PCDHGA12: variants seen among roughly 807,000 people sequenced by gnomAD.
The protein encoded by PCDHGA12 is protocadherin gamma-A12.
A neutral mutation model predicts 61.1 loss-of-function variants in PCDHGA12; 43 were observed. The ratio of observed to expected loss-of-function variants is 0.70; its 90% confidence interval spans 0.55 to 0.91. The LOEUF is 0.91. Ranked by LOEUF, PCDHGA12 falls within the 40% of genes least tolerant of loss-of-function variation. PCDHGA12 has a pLI of 0.00. For synonymous variants in PCDHGA12, 520 were observed against 542.9 expected, an observed-to-expected ratio of 0.96 and a Z score of 0.59; for missense variants, 1,236 against 1,227.7, an observed-to-expected ratio of 1.01 and a Z score of -0.10.
chr5:141,494,820 AC>A lies in PCDHGA12; in HGVS notation c.2439del (p.Asn813LysfsTer39). 6.2e-7 allele frequency: 1 copy of A among 1,613,988 alleles called. No homozygotes were observed. The highest frequency in any genetic ancestry group is 2.2e-5 in the East Asian group (1 of 44,874). On this transcript the variant is annotated frameshift_variant, in exon 2 of 4. Coordinates refer to ENST00000252085, the MANE Select transcript of PCDHGA12 (RefSeq NM_003735.3). LOFTEE classifies it high-confidence loss of function. ...TTTTCTCCACAGCAAGCCCCGCCCA[AC>A]ACGGACTGGCGTTTCTCTCAGGCCC... ...SHGLIEQAPP[N>X]TDWRFSQAQR...
At position 141,505,489 on chromosome 5, in the gene PCDHGA12, G is replaced by A. The variant is rs759637750; in HGVS notation, c.2572+8G>A. On this transcript the variant is annotated splice_region_variant and intron_variant, in intron 3 of 3. Coordinates refer to ENST00000252085, the MANE Select transcript of PCDHGA12 (RefSeq NM_003735.3). ...TCTTGGCGTCCGCCAGTGGTAAGTG[G>A]TGTCAGTGTGTGTATGGAAGAGTGG... The A allele has an allele frequency of 6.2e-7, 1 of 1,614,218 alleles. No homozygotes were observed. The highest frequency in any genetic ancestry group is 1.7e-5 in the Admixed American group (1 of 60,032).
chr5:141,460,498 T>G (rs1028506755), intron 1 of PCDHGA12, among the ~76,000 whole-genome samples: 1 of 152,184 alleles, frequency 6.6e-6, no homozygotes. Context: ...TGGAAAAATA[T>G]GCTGAGAAGG....
intron 1 of PCDHGA12, among the ~76,000 whole-genome samples, chr5:141,455,439 C>T (rs966470257): frequency 1.3e-5 from 2 of 152,126 alleles, no homozygotes; most frequent in East Asian, 1.9e-4. Context: ...AGGAGGTCCC[C>T]ATCTACCGCG....
In PCDHGA12 at chr5:141,489,406, A is replaced by T; in HGVS notation, c.2425-5401A>T. 6.2e-7 allele frequency: 1 copy of T among 1,614,166 alleles called. No individual in the cohort carries two copies. Among genetic ancestry groups the T allele is most frequent in the Non-Finnish European group, 8.5e-7 (1 of 1,180,028 alleles). Reference sequence around the variant, plus strand: ...TGTTGCTCAGGATCTGGGCTTAAAGATGACAGATCTGTTGAGCCGGCGGCT... The same window carrying T: ...TGTTGCTCAGGATCTGGGCTTAAAGTTGACAGATCTGTTGAGCCGGCGGCT... On this transcript the variant is annotated intron_variant, in intron 1 of 3. Coordinates refer to ENST00000252085, the MANE Select transcript of PCDHGA12 (RefSeq NM_003735.3). This position sits in a 1 kb window ranked among gnomAD's most constrained non-coding sequence, Gnocchi z 4.5.
chr5:141,432,793 C>T lies in PCDHGA12; in HGVS notation c.2034C>T (p.Leu678=). 6.2e-7 allele frequency: 1 copy of T among 1,614,150 alleles called. No individual in the cohort carries two copies. Among genetic ancestry groups the T allele is most frequent in the Admixed American group, 1.7e-5 (1 of 60,032 alleles). ...AAGTCCTGGCGGACCTCGGCAGCCT[C>T]GAGTCTCCAGCTAACTCTGAAACCT... ...IPQVLADLGS[L]ESPANSETSD... is the part of the protein sequence containing the mutation. Residue 678 remains leucine, a synonymous_variant, in exon 1 of 4, where the codon CTC becomes CTT. Transcript: ENST00000252085. The surrounding 1 kb of genome is among the most constrained non-coding windows in gnomAD (Gnocchi z 6.0).
chr5:141,448,896 G>C (rs560617459), intron 1 of PCDHGA12, among the ~76,000 whole-genome samples: 5 of 152,302 alleles, frequency 3.3e-5, no homozygotes, highest in African/African-American at 1.2e-4. Context: ...AGTGAGCCGA[G>C]ATCGTGCCAC....
At chr5:141,473,010 AAAAG>A (rs1014377988) in intron 1 of PCDHGA12, among the ~76,000 whole-genome samples, 22 of 151,958 alleles carry the variant, frequency 1.4e-4, no homozygotes, top group Admixed American at 7.9e-4. Context: ...AAGAAAAAGA[AAAAG>A]AAAGAAGGAA....
chr5:141,487,920 C>G lies in PCDHGA12; in HGVS notation c.2425-6887C>G, dbSNP rs561819225. On this transcript the variant is annotated intron_variant, in intron 1 of 3. Coordinates refer to ENST00000252085, the MANE Select transcript of PCDHGA12 (RefSeq NM_003735.3). This position sits in a 1 kb window ranked among gnomAD's most constrained non-coding sequence, Gnocchi z 5.0. ...TGGAATGTGGGAGCACAGGAGGCTA[C>G]AGTGCACAGGGTACAGTGCACCAGG... The G allele has an allele frequency of 4.7e-6, 3 of 644,662 alleles. No individual in the cohort carries two copies. The Admixed American group carries it at 8.5e-5, about 18-fold the overall frequency. 39.9% of individuals were successfully genotyped at this position (644,662 alleles called of 1,614,324 possible).
In PCDHGA12 at chr5:141,489,576, C is replaced by T; in HGVS notation, c.2425-5231C>T. 1.9e-6 allele frequency: 3 copies of T among 1,614,054 alleles called. No individual in the cohort carries two copies. Among genetic ancestry groups the T allele is most frequent in the Non-Finnish European group, 2.5e-6 (3 of 1,179,976 alleles). Reference sequence around the variant, plus strand: ...TGCCAGTGCAGGTGGTGACTGAACACCCCCTGGAGCTAATCCGTGTAGAGG... The same window carrying T: ...TGCCAGTGCAGGTGGTGACTGAACATCCCCTGGAGCTAATCCGTGTAGAGG... On this transcript the variant is annotated intron_variant, in intron 1 of 3. Coordinates refer to ENST00000252085, the MANE Select transcript of PCDHGA12 (RefSeq NM_003735.3). This position sits in a 1 kb window ranked among gnomAD's most constrained non-coding sequence, Gnocchi z 4.5.
chr5:141,510,958 G>A lies in PCDHGA12; in HGVS notation c.2584G>A (p.Gly862Arg). 6.2e-7 allele frequency: 1 copy of A among 1,614,130 alleles called. No homozygotes were observed. Among genetic ancestry groups the A allele is most frequent in the Non-Finnish European group, 8.5e-7 (1 of 1,180,012 alleles). The change falls in exon 4 of 4, where the codon GGG becomes AGG. Residue 862 changes from glycine to arginine, a missense_variant. Transcript: ENST00000252085. The stretch of plus-strand genomic sequence containing the variant: ...CTCTGTCTCTGCAGAAGCTGCTGAT[G>A]GGAGCTCCACCCTGGGAGGGGGTGC... ...ILASASEAAD[G>R]SSTLGGGAGT...
Position 141,458,000 on chromosome 5 carries a change from A to G in PCDHGA12, c.2424+24817A>G, listed in dbSNP as rs1047291886. ...CACCCTTTCAGTTAAAGCCTTGGCA[A>G]AATAACCGGTTTTTCCAATTGTGTT... On this transcript the variant is annotated intron_variant, in intron 1 of 3. Coordinates refer to ENST00000252085, the MANE Select transcript of PCDHGA12 (RefSeq NM_003735.3). Among the ~76,000 whole-genome samples, 4 of 152,214 alleles carry G rather than the reference A, an allele frequency of 2.6e-5. No homozygotes were observed. In the East Asian group the frequency reaches 5.8e-4, roughly 22 times the overall value.
intron 2 of PCDHGA12, among the ~76,000 whole-genome samples, chr5:141,503,072 C>T (rs2099817948): frequency 6.6e-6 from 1 of 151,728 alleles, no homozygotes; most frequent in Non-Finnish European, 1.5e-5. Flanking sequence ...TCAGAATGGT[C>T]TCGATCTCCT....
chr5:141,477,678 C>A lies in PCDHGA12; in HGVS notation c.2425-17129C>A, dbSNP rs967769574. 1 of 1,614,182 alleles carries A rather than the reference C, an allele frequency of 6.2e-7. No individual in the cohort carries two copies. The highest frequency in any genetic ancestry group is 1.3e-5 in the African/African-American group (1 of 75,054). ...AATCGTGACAATGGCATAGTGTCAT[C>A]CTTAGTGCCCCTAGACTATGAGGAT... is the stretch of plus-strand genomic sequence containing the variant. On this transcript the variant is annotated intron_variant, in intron 1 of 3. Transcript: ENST00000252085. The surrounding 1 kb of genome is among the most constrained non-coding windows in gnomAD (Gnocchi z 4.9).
At chr5:141,467,693 G>C (rs543886467) in intron 1 of PCDHGA12, among the ~76,000 whole-genome samples, 49 of 152,108 alleles carry the variant, frequency 3.2e-4, no homozygotes, top group African/African-American at 1.1e-3. Flanking sequence ...ACAGGGTCTG[G>C]CTCTGTTGCC....
chr5:141,509,144 G>C (rs969990007), intron 3 of PCDHGA12, among the ~76,000 whole-genome samples: 14 of 152,114 alleles, frequency 9.2e-5, no homozygotes, highest in Admixed American at 2.0e-4. Context: ...GGCGCATCCC[G>C]GCTCTCCCCT....
intron 1 of PCDHGA12, among the ~76,000 whole-genome samples, chr5:141,435,099 TA>T (rs892317840): frequency 2.0e-5 from 3 of 152,260 alleles, no homozygotes; most frequent in African/African-American, 7.2e-5. Context: ...TCTGTTTATC[TA>T]GGGGGGAGAA....
chr5:141,501,425 G>A (rs1444899306), intron 2 of PCDHGA12, among the ~76,000 whole-genome samples: 1 of 151,726 alleles, frequency 6.6e-6, no homozygotes, highest in Non-Finnish European at 1.5e-5. Flanking sequence ...TTGACTAAAT[G>A]TAGTCCATTT....
At position 141,477,579 on chromosome 5, in the gene PCDHGA12, A is replaced by G. The variant is rs774773400; in HGVS notation, c.2425-17228A>G. The stretch of plus-strand genomic sequence containing the variant: ...AGTGTCTGGGACCCCGACGCCCCGC[A>G]GAATGCTCGGCTTTCTTTCTTTCTC... On this transcript the variant is annotated intron_variant, in intron 1 of 3. Coordinates refer to ENST00000252085, the MANE Select transcript of PCDHGA12 (RefSeq NM_003735.3). The surrounding 1 kb of genome is among the most constrained non-coding windows in gnomAD (Gnocchi z 4.9). The G allele has an allele frequency of 1.7e-5, 27 of 1,614,036 alleles. No individual in the cohort carries two copies. The highest frequency in any genetic ancestry group is 2.0e-5 in the Non-Finnish European group (24 of 1,180,036).
At position 141,476,602 on chromosome 5, in the gene PCDHGA12, C is replaced by T; in HGVS notation, c.2425-18205C>T. 6.2e-7 allele frequency: 1 copy of T among 1,614,208 alleles called. No homozygotes were observed. Among genetic ancestry groups the T allele is most frequent in the Middle Eastern group, 1.6e-4 (1 of 6,062 alleles). Reference sequence around the variant, plus strand: ...TTCCGCTCGAGAGCGCGCACGATCCCGATGTGGGAAGCAACTCTTTACAAA... The same window carrying T: ...TTCCGCTCGAGAGCGCGCACGATCCTGATGTGGGAAGCAACTCTTTACAAA... On this transcript the variant is annotated intron_variant, in intron 1 of 3. Coordinates refer to ENST00000252085, the MANE Select transcript of PCDHGA12 (RefSeq NM_003735.3). The surrounding 1 kb of genome is among the most constrained non-coding windows in gnomAD (Gnocchi z 7.6).
Sources: gnomAD v4.1 joint callset for allele counts (sites outside exome capture counted in the v4.1 genomes callset) on GRCh38, gnomAD v4.1.1 for gene constraint, Gnocchi (gnomAD v3.1) non-coding constraint, MANE v1.5 for transcripts, NCBI Gene and HGNC (gene_info 2026-07-23, HGNC 2026-07-21) for gene names.